Variants in SGCD observed in about 807,000 individuals in gnomAD.
SGCD encodes the protein delta-sarcoglycan.
Under a neutral mutation model 36.6 loss-of-function variants are expected in SGCD, and 18 were observed. The ratio of observed to expected loss-of-function variants is 0.49; its 90% CI spans 0.34 to 0.73. SGCD has a LOEUF of 0.73. Ranked by LOEUF, SGCD falls within the 30% of genes least tolerant of loss-of-function variation. SGCD has a pLI of 0.01. For missense variants in SGCD, 387 were observed against 346.7 expected (o/e 1.12, Z -0.92); for synonymous variants, 133 against 130.6 (o/e 1.02, Z -0.12).
chr5:155,814,437 A>G, the SGCD span, among the ~76,000 whole-genome samples: 2 of 152,164 alleles, frequency 1.3e-5, no homozygotes, highest in Non-Finnish European at 2.9e-5. Flanking sequence ...GCACTTATTA[A>G]TAAGAGAATT....
chr5:156,623,855 G>T (rs1317971113), intron 6 of SGCD, among the ~76,000 whole-genome samples: 1 of 152,166 alleles, frequency 6.6e-6, no homozygotes, highest in Non-Finnish European at 1.5e-5. Context: ...GGTTATTGGA[G>T]AGTATTCAGG....
At chr5:156,036,725 G>A (rs987522999) in intron 1 of SGCD, among the ~76,000 whole-genome samples, 1 of 152,142 alleles carries the variant, frequency 6.6e-6, no homozygotes, top group Non-Finnish European at 1.5e-5. Flanking sequence ...TTCCCTTGGA[G>A]AGACTCAAAT....
the SGCD span, among the ~76,000 whole-genome samples, chr5:155,767,217 G>A: frequency 6.6e-6 from 1 of 152,160 alleles, no homozygotes; most frequent in Non-Finnish European, 1.5e-5. Flanking sequence ...GCTTTCCATC[G>A]GCTCTCATCT....
intron 6 of SGCD, among the ~76,000 whole-genome samples, chr5:156,647,061 T>C (rs1441805753): frequency 6.6e-6 from 1 of 152,202 alleles, no homozygotes; most frequent in Non-Finnish European, 1.5e-5. Flanking sequence ...AGATGTCATA[T>C]GTGTTATGTG....
intron 4 of SGCD, among the ~76,000 whole-genome samples, chr5:156,584,221 C>T (rs1760399072): frequency 6.6e-6 from 1 of 152,166 alleles, no homozygotes; most frequent in Admixed American, 6.5e-5. Context: ...GCCAAATACA[C>T]TTGTCTATGT....
the SGCD span, among the ~76,000 whole-genome samples, chr5:155,741,982 G>T: frequency 1.3e-5 from 2 of 152,274 alleles, no homozygotes; most frequent in African/African-American, 4.8e-5. Context: ...ACTGTGCCTG[G>T]CCACCAGAAG....
chr5:156,477,309 G>C (rs185331845), intron 3 of SGCD, among the ~76,000 whole-genome samples: 12 of 152,166 alleles, frequency 7.9e-5, no homozygotes, highest in Non-Finnish European at 1.6e-4. Context: ...CAGACAGTGA[G>C]GTTATTCTTC....
intron 3 of SGCD, among the ~76,000 whole-genome samples, chr5:156,351,875 G>T (rs1769277451): frequency 6.6e-6 from 1 of 152,036 alleles, no homozygotes; most frequent in African/African-American, 2.4e-5. Flanking sequence ...TCATATTGTG[G>T]GGCAGTGCAT....
intron 3 of SGCD, among the ~76,000 whole-genome samples, chr5:156,366,401 A>G (rs1294255780): frequency 6.6e-6 from 1 of 152,238 alleles, no homozygotes; most frequent in African/African-American, 2.4e-5. Context: ...AGGCATAGAT[A>G]GAAAGATTTT....
chr5:156,229,150 C>T (rs1188306620), intron 3 of SGCD, among the ~76,000 whole-genome samples: 1 of 151,014 alleles, frequency 6.6e-6, no homozygotes, highest in African/African-American at 2.4e-5. Context: ...TGGGCTGGCA[C>T]TCCCTGCTCC....
intron 3 of SGCD, among the ~76,000 whole-genome samples, chr5:156,268,736 G>A (rs1766071446): frequency 6.6e-6 from 1 of 152,124 alleles, no homozygotes; most frequent in African/African-American, 2.4e-5. Flanking sequence ...GGGATTAGAG[G>A]CATGCGCCAT....
At chr5:155,976,777 CCG>C (rs1315818295) in intron 1 of SGCD, among the ~76,000 whole-genome samples, 1 of 152,072 alleles carries the variant, frequency 6.6e-6, no homozygotes, top group Non-Finnish European at 1.5e-5. Context: ...ATCCTGGACA[CCG>C]CCTTTTACCT....
At chr5:156,038,275 A>G (rs1759547807) in intron 1 of SGCD, among the ~76,000 whole-genome samples, 1 of 152,202 alleles carries the variant, frequency 6.6e-6, no homozygotes, top group Admixed American at 6.5e-5. Context: ...TTTCAAAAGT[A>G]TCAAGGTCAT....
intron 3 of SGCD, among the ~76,000 whole-genome samples, chr5:156,381,509 A>G (rs1384379361): frequency 6.6e-6 from 1 of 152,194 alleles, no homozygotes; most frequent in Non-Finnish European, 1.5e-5. Flanking sequence ...TCATTCATCC[A>G]TAAGCATTAT....
chr5:156,589,195 T>C, intron 4 of SGCD, 36 bp from the exon 5 acceptor site: 1 of 1,422,144 alleles, frequency 7.0e-7, no homozygotes, highest in Non-Finnish European at 9.7e-7. Context: ...TAGAAATCTA[T>C]CATTTTCATG....
intron 3 of SGCD, among the ~76,000 whole-genome samples, chr5:156,450,677 A>G (rs546023040): frequency 2.6e-5 from 4 of 152,218 alleles, no homozygotes; most frequent in Admixed American, 2.6e-4. Flanking sequence ...GTGGAATCCT[A>G]TTGCCAACAA....
At chr5:156,360,976 G>A (rs1769759473) in intron 3 of SGCD, among the ~76,000 whole-genome samples, 1 of 152,080 alleles carries the variant, frequency 6.6e-6, no homozygotes, top group African/African-American at 2.4e-5. Flanking sequence ...ACATGATTGA[G>A]GCAAGGGGTC....
intron 1 of SGCD, among the ~76,000 whole-genome samples, chr5:156,069,605 G>T (rs542495419): frequency 1.3e-5 from 2 of 151,926 alleles, no homozygotes; most frequent in Admixed American, 6.6e-5. Context: ...TTGGCAATGC[G>T]GGCTCTTTTT....
At chr5:155,944,583 C>A (rs1046218780) in intron 1 of SGCD, among the ~76,000 whole-genome samples, 1 of 152,114 alleles carries the variant, frequency 6.6e-6, no homozygotes, top group African/African-American at 2.4e-5. Context: ...TTAGAATCAG[C>A]GCTGTTGTTA....
Sources: gnomAD v4.1 joint callset for allele counts (sites outside exome capture counted in the v4.1 genomes callset) on GRCh38, gnomAD v4.1.1 for gene constraint, MANE v1.5 for transcripts, NCBI Gene and HGNC (gene_info 2026-07-23, HGNC 2026-07-21) for gene names.